SETDB2: variants seen among roughly 807,000 people sequenced by gnomAD.
The protein encoded by SETDB2 is histone-lysine N-methyltransferase SETDB2.
In SETDB2, 56 loss-of-function variants were observed where a neutral mutation model predicts 82.5. The observed-to-expected ratio is 0.68, with a 90% CI of 0.55 to 0.85. The LOEUF (loss-of-function observed/expected upper bound fraction) is 0.85, where lower values mean the gene tolerates loss of function less well. SETDB2 is among the 40% of genes least tolerant of loss of function. SETDB2 has a pLI of 0.00. For missense variants in SETDB2, 677 were observed against 816.4 expected (o/e 0.83, Z 2.08); for synonymous variants, 272 against 284.9 (o/e 0.95, Z 0.46).
intron 4 of SETDB2, among the ~76,000 whole-genome samples, chr13:49,466,591 G>T (rs1958118709): frequency 6.6e-6 from 1 of 151,982 alleles, no homozygotes; most frequent in South Asian, 2.1e-4. Flanking sequence ...AAATTTGGAA[G>T]GTCCTAAATT....
chr13:49,457,843 C>G (rs935543140), intron 2 of SETDB2, among the ~76,000 whole-genome samples: 4 of 152,114 alleles, frequency 2.6e-5, no homozygotes, highest in African/African-American at 9.7e-5. Flanking sequence ...TTCCAGAATA[C>G]TTTAATGTTA....
chr13:49,486,794 T>C (rs997211114), intron 11 of SETDB2, among the ~76,000 whole-genome samples: 3 of 152,194 alleles, frequency 2.0e-5, no homozygotes, highest in Non-Finnish European at 4.4e-5. Flanking sequence ...TTTGGTACTT[T>C]TGCATTTCAC....
intron 6 of SETDB2, 95 bp downstream of exon 6, chr13:49,477,134 C>T (rs1307626823): frequency 8.4e-7 from 1 of 1,190,284 alleles, no homozygotes; most frequent in Admixed American, 2.8e-5. Flanking sequence ...TATCTAAAAC[C>T]TGTTCAAGAG....
At chr13:49,451,957 G>A (rs1444183144) in intron 2 of SETDB2, 48 bp downstream of exon 2, 1 of 1,389,856 alleles carries the variant, frequency 7.2e-7, no homozygotes, top group Non-Finnish European at 9.9e-7. Flanking sequence ...AAGTATAAAA[G>A]TATATAGACA....
At chr13:49,491,370 T>C (rs779969114) in intron 13 of SETDB2, among the ~76,000 whole-genome samples, 2 of 152,198 alleles carry the variant, frequency 1.3e-5, no homozygotes, top group Non-Finnish European at 2.9e-5. Flanking sequence ...GCTGAAGATA[T>C]CAGGTATCAC....
Position 49,458,823 on chromosome 13 carries a change from A to C in SETDB2, c.17-1284A>C, listed in dbSNP as rs1490490903. Among the ~76,000 whole-genome samples the C allele has an allele frequency of 2.0e-5, 3 of 152,254 alleles. No individual in the cohort carries two copies. The East Asian group carries it at 5.8e-4, about 29-fold the overall frequency. On this transcript the variant is annotated intron_variant, in intron 2 of 13. Transcript: ENST00000611815. The stretch of plus-strand genomic sequence containing the variant: ...ATGATTGCCTGAGGCAAAAAAGTGG[A>C]GATCATTCATGACTCCTCCCACTGC...
chr13:49,444,463 C>T lies in SETDB2; in HGVS notation c.-736C>T, dbSNP rs1392548700. 5.6e-6 allele frequency: 1 copy of T among 177,590 alleles called. No individual in the cohort carries two copies. Among genetic ancestry groups the T allele is most frequent in the Non-Finnish European group, 1.2e-5 (1 of 81,014 alleles). 11.0% of individuals were successfully genotyped at this position (177,590 alleles called of 1,614,324 possible). A position where few individuals can be genotyped will look rare whatever the true frequency, so the allele number is the denominator to read the frequency against. On this transcript the variant is annotated 5_prime_UTR_variant, in exon 1 of 14. Transcript: ENST00000611815. Reference sequence around the variant, plus strand: ...CCTTGCCAACGGAGCTGGCGGAGCTCACTCCTCAGGTCAGGCGGGCGGCGT... The same window carrying T: ...CCTTGCCAACGGAGCTGGCGGAGCTTACTCCTCAGGTCAGGCGGGCGGCGT...
At chr13:49,469,228 C>T (rs1335864228) in intron 5 of SETDB2, among the ~76,000 whole-genome samples, 1 of 152,052 alleles carries the variant, frequency 6.6e-6, no homozygotes, top group Non-Finnish European at 1.5e-5. Flanking sequence ...AGGACATGAC[C>T]AAAGATAAAA....
chr13:49,481,614 T>G (rs948214153), intron 8 of SETDB2, among the ~76,000 whole-genome samples: 1 of 152,256 alleles, frequency 6.6e-6, no homozygotes, highest in African/African-American at 2.4e-5. Flanking sequence ...CAGAGAGTTG[T>G]CCATGCTGCA....
rs771852760 is a variant in SETDB2, at chr13:49,480,979, A to T, written c.1019A>T (p.Asn340Ile). Residue 340 changes from asparagine (N) to isoleucine (I), a missense_variant, in exon 8 of 14, where the codon AAT becomes ATT. Around this residue, in one of 3 missense-constraint regions of SETDB2, gnomAD observed 420 missense variants for 554.6 expected, o/e 0.76. Transcript: ENST00000611815. Reference sequence around the variant, plus strand: ...GAATGCAGCCTTTTGTGCAAATGTAATCGACAATTGTGTCAAAACCGAGTT... The same window carrying T: ...GAATGCAGCCTTTTGTGCAAATGTATTCGACAATTGTGTCAAAACCGAGTT... The part of the protein sequence containing the change: ...IYECSLLCKC[N>I]RQLCQNRVVQ... 2.5e-6 allele frequency: 4 copies of T among 1,614,014 alleles called. No homozygotes were observed. The South Asian group carries it at 4.4e-5, about 18-fold the overall frequency.
intron 8 of SETDB2, 57 bp downstream of exon 8, chr13:49,481,173 T>A: frequency 6.5e-7 from 1 of 1,532,094 alleles, no homozygotes; most frequent in Non-Finnish European, 8.9e-7. Context: ...TTTCTAAATA[T>A]CCATTTTCCT....
In SETDB2 at chr13:49,484,088, A is replaced by G. The variant is rs189890077; in HGVS notation, c.1482+525A>G. On this transcript the variant is annotated intron_variant, in intron 10 of 13. Transcript: ENST00000611815. ...CTTAGTATCATCCACGGCAGTTGAC[A>G]TGTTTCCAGCTTGGCTGTATGAGGA... 9.9e-5 allele frequency among the ~76,000 whole-genome samples: 15 copies of G among 152,278 alleles called. 1 individual carries two copies. The highest frequency in any genetic ancestry group is 1.2e-4 in the African/African-American group (5 of 41,554).
chr13:49,449,606 C>T (rs1280183763), intron 1 of SETDB2, among the ~76,000 whole-genome samples: 2 of 151,986 alleles, frequency 1.3e-5, no homozygotes, highest in Admixed American at 6.6e-5. Context: ...TTTCACAGTT[C>T]TTAAATTTAT....
intron 7 of SETDB2, among the ~76,000 whole-genome samples, chr13:49,480,671 C>G (rs1437678380): frequency 6.6e-6 from 1 of 152,190 alleles, no homozygotes; most frequent in African/African-American, 2.4e-5. Context: ...TTTCAAGGTA[C>G]TGACTCACTT....
At chr13:49,481,255 G>A in intron 8 of SETDB2, 139 bp downstream of exon 8, 1 of 695,534 alleles carries the variant, frequency 1.4e-6, no homozygotes, top group South Asian at 2.4e-5. Flanking sequence ...GAGAAAGGCA[G>A]GTAAACTGGG....
Position 49,444,367 on chromosome 13 carries a change from G to C in SETDB2, c.-832G>C, listed in dbSNP as rs973020231. ...TAAATGGTGAAGTACTTCCCGGCCA[G>C]AGGGCACCTGCGCTCGGGAGGTTTG... On this transcript the variant is annotated 5_prime_UTR_variant, in exon 1 of 14. Transcript: ENST00000611815. The C allele has an allele frequency of 2.4e-5, 5 of 211,320 alleles. No individual in the cohort carries two copies. The highest frequency in any genetic ancestry group is 4.9e-5 in the Non-Finnish European group (5 of 101,106). 13.1% of individuals were successfully genotyped at this position (211,320 alleles called of 1,614,324 possible). A position where few individuals can be genotyped will look rare whatever the true frequency, so the allele number is the denominator to read the frequency against.
intron 4 of SETDB2, among the ~76,000 whole-genome samples, chr13:49,463,108 C>A (rs999421749): frequency 1.3e-5 from 2 of 152,048 alleles, no homozygotes; most frequent in Non-Finnish European, 2.9e-5. Flanking sequence ...CAGGTTCAAG[C>A]AATTCTCCTG....
chr13:49,473,094 T>G (rs944854078), intron 5 of SETDB2, among the ~76,000 whole-genome samples: 2 of 152,234 alleles, frequency 1.3e-5, no homozygotes, highest in Non-Finnish European at 2.9e-5. Context: ...AAACTACTAT[T>G]CAAATATTAG....
At chr13:49,460,029 TTGTTCTATAACA>T in intron 2 of SETDB2, 66 bp from the exon 3 acceptor site, 1 of 1,422,992 alleles carries the variant, frequency 7.0e-7, no homozygotes, top group Non-Finnish European at 9.5e-7. Context: ...ACCAAGTAGA[TTGTTCTATAACA>T]TGTTCTTAGA....
Sources: allele counts gnomAD v4.1 joint callset (sites outside exome capture counted in the v4.1 genomes callset), GRCh38; gene constraint gnomAD v4.1.1; regional missense constraint gnomAD v4.1.1; transcripts MANE v1.5; gene names NCBI Gene and HGNC (gene_info 2026-07-23, HGNC 2026-07-21).